The following PDLIM1 variants were observed in gnomAD, a reference collection of about 807,000 sequenced individuals.
The protein encoded by PDLIM1 is PDZ and LIM domain 1, also known as PDZ and LIM domain protein 1.
PDLIM1 carries 25 observed loss-of-function variants against 35.2 expected under a neutral mutation model. The observed-to-expected ratio is 0.71, with a 90% CI of 0.52 to 0.99. The LOEUF (loss-of-function observed/expected upper bound fraction) is 0.99. Ranked by LOEUF, PDLIM1 falls within the 50% of genes least tolerant of loss-of-function variation. The pLI, the probability that PDLIM1 is intolerant of heterozygous loss-of-function variation, is 0.00. For synonymous variants in PDLIM1, 152 were observed against 154.0 expected, an observed-to-expected ratio of 0.99 and a Z score of 0.10; for missense variants, 363 against 415.3, an observed-to-expected ratio of 0.87 and a Z score of 1.09.
intron 5 of PDLIM1, among the ~76,000 whole-genome samples, chr10:95,240,921 G>A (rs973761692): frequency 6.8e-6 from 1 of 148,078 alleles, no homozygotes; most frequent in African/African-American, 2.4e-5. Flanking sequence ...ATCACCTGGA[G>A]GCCTTGTTAA....
intron 4 of PDLIM1, among the ~76,000 whole-genome samples, chr10:95,260,261 C>G (rs1043412476): frequency 1.3e-5 from 2 of 152,300 alleles, no homozygotes; most frequent in South Asian, 2.1e-4. Flanking sequence ...CAAGGTCACA[C>G]AGCTAGTAAG....
Position 95,254,854 on chromosome 10 carries a change from A to T in PDLIM1, c.534-7488T>A, listed in dbSNP as rs532093942. The stretch of plus-strand genomic sequence containing the variant: ...AAGATCACTTGAGCCCAGGAGGCAG[A>T]GGTTGCAGTGAGCCACTGCACTCCA... On this transcript the variant is annotated intron_variant, in intron 4 of 6. Transcript: ENST00000329399. 2.6e-5 allele frequency among the ~76,000 whole-genome samples: 4 copies of T among 152,320 alleles called. No homozygotes were observed. The East Asian group carries it at 7.7e-4, about 29-fold the overall frequency.
chr10:95,260,055 G>T (rs547518003), intron 4 of PDLIM1, among the ~76,000 whole-genome samples: 1 of 152,332 alleles, frequency 6.6e-6, no homozygotes, highest in South Asian at 2.1e-4. Flanking sequence ...AGAAGTGATG[G>T]GGATGGAGTT....
intron 5 of PDLIM1, among the ~76,000 whole-genome samples, chr10:95,244,840 C>A (rs1057013915): frequency 6.6e-6 from 1 of 152,136 alleles, no homozygotes; most frequent in African/African-American, 2.4e-5. Flanking sequence ...GCGGAGGTAG[C>A]AGTGAGCCGA....
rs769893477 is a variant in PDLIM1, at chr10:95,264,065, TGCAG to T, written c.334-6_334-3del. On this transcript the variant is annotated splice_polypyrimidine_tract_variant and splice_region_variant and intron_variant, in intron 3 of 6. Coordinates refer to ENST00000329399, the MANE Select transcript of PDLIM1 (RefSeq NM_020992.4). ...GGCGCTTCCTATGTGCAGGACCTCC[TGCAG>T]GCAGGGATCAGAGGAGAAATCAAGG... 2 of 1,612,946 alleles carry T rather than the reference TGCAG, an allele frequency of 1.2e-6. No individual in the cohort carries two copies. The highest frequency in any genetic ancestry group is 2.7e-5 in the African/African-American group (2 of 74,868).
intron 1 of PDLIM1, among the ~76,000 whole-genome samples, chr10:95,276,952 C>G (rs1216887613): frequency 2.0e-5 from 3 of 149,424 alleles, no homozygotes. Flanking sequence ...GTGGCTTACG[C>G]CTGTAATCCC....
chr10:95,257,409 G>C (rs1209006848), intron 4 of PDLIM1, among the ~76,000 whole-genome samples: 1 of 151,566 alleles, frequency 6.6e-6, no homozygotes, highest in Non-Finnish European at 1.5e-5. Flanking sequence ...AAAAATATTT[G>C]CAAAACATAC....
intron 3 of PDLIM1, 97 bp from the exon 4 acceptor site, chr10:95,264,160 T>G (rs1299684282): frequency 1.0e-6 from 1 of 999,460 alleles, no homozygotes; most frequent in Admixed American, 2.1e-5. Context: ...GTGTTCCAGC[T>G]GCTAAGATGG....
chr10:95,265,731 ATAGTAAGACCCCATCCG>A (rs1244463357), intron 3 of PDLIM1, among the ~76,000 whole-genome samples: 5 of 140,158 alleles, frequency 3.6e-5, no homozygotes, highest in African/African-American at 1.3e-4. Context: ...CCTGGGCAAC[ATAGTAAGACCCCATCCG>A]TAAAAAAAAG....
At chr10:95,261,775 G>C (rs1488667105) in intron 4 of PDLIM1, among the ~76,000 whole-genome samples, 1 of 152,162 alleles carries the variant, frequency 6.6e-6, no homozygotes, top group African/African-American at 2.4e-5. Flanking sequence ...TTGGGAGGCC[G>C]AGGCAGGCAG....
chr10:95,271,992 T>C (rs559718434), intron 1 of PDLIM1, among the ~76,000 whole-genome samples: 14 of 152,300 alleles, frequency 9.2e-5, no homozygotes, highest in Admixed American at 6.5e-5. Context: ...AGCAACCTTA[T>C]GAGAAAGGAG....
At chr10:95,288,349 G>A (rs2035619737) in intron 1 of PDLIM1, among the ~76,000 whole-genome samples, 1 of 152,188 alleles carries the variant, frequency 6.6e-6, no homozygotes. Flanking sequence ...TTTATGGTTT[G>A]CTTTGGTGTG....
chr10:95,287,593 T>A (rs2035613463), intron 1 of PDLIM1, among the ~76,000 whole-genome samples: 1 of 152,110 alleles, frequency 6.6e-6, no homozygotes, highest in Non-Finnish European at 1.5e-5. Flanking sequence ...TGAGTTGCAA[T>A]GTTGGCCTGG....
rs1273213400 is a variant in PDLIM1 at position 95,290,988 on chromosome 10, C to T, written c.-73G>A. ...GCGCGGAACAGCTTGCAGGGCACCC[C>T]CGGCGGCTGTCGGAGAAAGAGCGGC... On this transcript the variant is annotated 5_prime_UTR_variant, in exon 1 of 7. Transcript: ENST00000329399. The surrounding 1 kb of genome is among the most constrained non-coding windows in gnomAD (Gnocchi z 4.7). The T allele has an allele frequency of 4.1e-5, 36 of 882,960 alleles. No homozygotes were observed. The East Asian group carries it at 1.1e-3, about 28-fold the overall frequency. The allele number at this position is 882,960 out of a possible 1,614,324, so 54.7% of individuals were successfully genotyped here. A position where few individuals can be genotyped will look rare whatever the true frequency, so the allele number is the denominator to read the frequency against.
At position 95,285,577 on chromosome 10, in the gene PDLIM1, A is replaced by G. The variant is rs563697087; in HGVS notation, c.96+5243T>C. ...TGTCATGGGTTGTGGGGAATACAGA[A>G]GAAGATAATGTAAGTGCATGCTTAG... On this transcript the variant is annotated intron_variant, in intron 1 of 6. Transcript: ENST00000329399. 3.3e-5 allele frequency among the ~76,000 whole-genome samples: 5 copies of G among 152,332 alleles called. No homozygotes were observed. In the East Asian group the frequency reaches 9.6e-4, roughly 29 times the overall value.
At position 95,237,857 on chromosome 10, in the gene PDLIM1, G is replaced by A. The variant is rs2035138978; in HGVS notation, c.*68C>T. The A allele has an allele frequency of 3.7e-6, 5 of 1,369,664 alleles. No individual in the cohort carries two copies. In the South Asian group the frequency reaches 6.6e-5, roughly 18 times the overall value. 84.8% of individuals were successfully genotyped at this position (1,369,664 alleles called of 1,614,324 possible). A position where few individuals can be genotyped will look rare whatever the true frequency, so the allele number is the denominator to read the frequency against. On this transcript the variant is annotated 3_prime_UTR_variant, in exon 7 of 7. Coordinates refer to ENST00000329399, the MANE Select transcript of PDLIM1 (RefSeq NM_020992.4). ...AGCAGAGAACTTTCAAGAGAGGAGA[G>A]GGCCAGAACACTGAGAGAAAAAGCT...
chr10:95,277,952 T>C, intron 1 of PDLIM1, among the ~76,000 whole-genome samples: 1 of 152,222 alleles, frequency 6.6e-6, no homozygotes, highest in East Asian at 1.9e-4. Context: ...TCAACTTACA[T>C]TTAAATAACT....
In PDLIM1 at chr10:95,238,650, T is replaced by G. The variant is rs1410731517; in HGVS notation, c.721A>C (p.Lys241Gln). 5 of 1,613,932 alleles carry G rather than the reference T, an allele frequency of 3.1e-6. No individual in the cohort carries two copies. The highest frequency in any genetic ancestry group is 4.2e-6 in the Non-Finnish European group (5 of 1,179,766). The change falls in exon 6 of 7, where the codon AAA (lysine) becomes CAA (glutamine). Residue 241 changes from lysine (K) to glutamine (Q), a missense_variant. By Grantham distance (53) the Lys-to-Gln change is moderately conservative (BLOSUM62 1). Transcript: ENST00000329399. ...GCAGCCACTTTAGTGACAGGAGCTT[T>G]AACACTTCTGAATCCTGAGGGCTTG... is the stretch of plus-strand genomic sequence containing the variant. ...PNKPSGFRSV[K>Q]APVTKVAASI... is the part of the protein sequence containing the mutation.
Position 95,290,671 on chromosome 10 carries a change from G to T in PDLIM1, c.96+149C>A, listed in dbSNP as rs1194843869. 2.0e-5 allele frequency: 8 copies of T among 402,590 alleles called. No homozygotes were observed. In the South Asian group the frequency reaches 6.9e-4, roughly 35 times the overall value. The allele number at this position is 402,590 out of a possible 1,614,324, so 24.9% of individuals were successfully genotyped here. A position where few individuals can be genotyped will look rare whatever the true frequency, so the allele number is the denominator to read the frequency against. ...GGGGCGGCGGGGAGCGGCGGGGCCC[G>T]GGCGCGCGGAGAGCGCTCAACTAAC... On this transcript the variant is annotated intron_variant, in intron 1 of 6. Coordinates refer to ENST00000329399, the MANE Select transcript of PDLIM1 (RefSeq NM_020992.4). This position sits in a 1 kb window ranked among gnomAD's most constrained non-coding sequence, Gnocchi z 4.7.
Sources: gnomAD v4.1 joint callset for allele counts (sites outside exome capture counted in the v4.1 genomes callset) on GRCh38, gnomAD v4.1.1 for gene constraint, Gnocchi (gnomAD v3.1) non-coding constraint, MANE v1.5 for transcripts, NCBI Gene and HGNC (gene_info 2026-07-23, HGNC 2026-07-21) for gene names.